The following NYNRIN variants were observed in gnomAD, a reference collection of about 807,000 sequenced individuals.
NYNRIN encodes NYN domain and retroviral integrase containing, also known as protein NYNRIN.
Under a neutral mutation model 146.6 loss-of-function variants are expected in NYNRIN, and 86 were observed. The ratio of observed to expected loss-of-function variants is 0.59; its 90% CI spans 0.49 to 0.70. The LOEUF (loss-of-function observed/expected upper bound fraction) is 0.70, where lower values mean the gene tolerates loss of function less well. Among genes scored for constraint, NYNRIN ranks in the 30% least tolerant of loss-of-function variants. NYNRIN has a pLI of 0.00. For missense variants in NYNRIN, 2,191 were observed against 2,377.7 expected (o/e 0.92, Z 1.63); for synonymous variants, 1,027 against 1,001.3 (o/e 1.03, Z -0.48).
Position 24,417,370 on chromosome 14 carries a change from G to C in NYNRIN, c.5621G>C (p.Cys1874Ser), listed in dbSNP as rs1198353487. The change falls in exon 9 of 9, where the codon TGC (cysteine) becomes TCC (serine). Residue 1874 changes from cysteine to serine, a missense_variant. Coordinates refer to ENST00000382554, the MANE Select transcript of NYNRIN (RefSeq NM_025081.3). ...TTCCCAACCCCAGAGAAGCTGGGGTGCATCTATCCCAGCAGTCTGATGAAG... is the reference window on the plus strand; with the variant it reads ...TTCCCAACCCCAGAGAAGCTGGGGTCCATCTATCCCAGCAGTCTGATGAAG... Reference protein sequence around the residue: ...WGFPTPEKLGCIYPSSLMKAF... With the variant: ...WGFPTPEKLGSIYPSSLMKAF... 6.3e-7 allele frequency: 1 copy of C among 1,591,008 alleles called. No individual in the cohort carries two copies. Among genetic ancestry groups the C allele is most frequent in the Non-Finnish European group, 8.6e-7 (1 of 1,167,258 alleles).
Position 24,416,362 on chromosome 14 carries a change from C to T in NYNRIN, c.4613C>T (p.Thr1538Met), listed in dbSNP as rs1386496520. 37 of 1,613,202 alleles carry T rather than the reference C, an allele frequency of 2.3e-5. No individual in the cohort carries two copies. Among genetic ancestry groups the T allele is most frequent in the East Asian group, 4.5e-5 (2 of 44,864 alleles). The change falls in exon 9 of 9, where the codon ACG (threonine) becomes ATG (methionine). Residue 1538 changes from threonine (T) to methionine (M), a missense_variant. Thr to Met is a moderately conservative substitution (Grantham distance 81, BLOSUM62 -1). Around this residue, in one of 3 missense-constraint regions of NYNRIN, gnomAD observed 1,291 missense variants for 1,417.0 expected, o/e 0.91. Coordinates refer to ENST00000382554, the MANE Select transcript of NYNRIN (RefSeq NM_025081.3). ...DKKPRVWVVP[T>M]QLRRDLIFSV... ...AAGCCCAGGGTCTGGGTAGTCCCGA[C>T]GCAACTCCGGAGGGATCTGATTTTC...
Position 24,416,632 on chromosome 14 carries a change from G to A in NYNRIN, c.4883G>A (p.Ser1628Asn). 1 of 1,613,972 alleles carries A rather than the reference G, an allele frequency of 6.2e-7. No individual in the cohort carries two copies. Among genetic ancestry groups the A allele is most frequent in the Non-Finnish European group, 8.5e-7 (1 of 1,179,882 alleles). The change falls in exon 9 of 9, where the codon AGT (serine) becomes AAT (asparagine). Residue 1628 changes from serine to asparagine, a missense_variant. By Grantham distance (46) the Ser-to-Asn change is conservative (BLOSUM62 1). Around this residue, in one of 3 missense-constraint regions of NYNRIN, gnomAD observed 1,291 missense variants for 1,417.0 expected, o/e 0.91. Coordinates refer to ENST00000382554, the MANE Select transcript of NYNRIN (RefSeq NM_025081.3). ...QIEVVGPVTI[S>N]EEGHKHVLIV... ...GAGGTGGTGGGCCCGGTCACCATAAGTGAGGAGGGCCATAAGCATGTACTT... is the reference window on the plus strand; with the variant it reads ...GAGGTGGTGGGCCCGGTCACCATAAATGAGGAGGGCCATAAGCATGTACTT...
chr14:24,409,101 G>T lies in NYNRIN; in HGVS notation c.1307G>T (p.Gly436Val), dbSNP rs2042894014. ...SAESPAGRPD[G>V]GLGGEAALQN... ...GAAAGCCCAGCTGGTAGACCAGATG[G>T]GGGGCTGGGAGGAGAAGCAGCCCTG... Residue 436 changes from glycine (G) to valine (V), a missense_variant, in exon 4 of 9, where the codon GGG (glycine) becomes GTG (valine). By Grantham distance (109) the Gly-to-Val change is moderately radical (BLOSUM62 -3). Coordinates refer to ENST00000382554, the MANE Select transcript of NYNRIN (RefSeq NM_025081.3). 2 of 1,613,638 alleles carry T rather than the reference G, an allele frequency of 1.2e-6. No homozygotes were observed. Among genetic ancestry groups the T allele is most frequent in the African/African-American group, 1.3e-5 (1 of 74,944 alleles).
chr14:24,408,157 T>C lies in NYNRIN; in HGVS notation c.487T>C (p.Phe163Leu), dbSNP rs1300836944. 1 of 1,603,470 alleles carries C rather than the reference T, an allele frequency of 6.2e-7. No homozygotes were observed. The highest frequency in any genetic ancestry group is 1.1e-5 in the South Asian group (1 of 90,704). The change falls in exon 3 of 9, where the codon TTT (phenylalanine) becomes CTT (leucine). Residue 163 changes from phenylalanine to leucine, a missense_variant. By Grantham distance (22) the Phe-to-Leu change is conservative. Coordinates refer to ENST00000382554, the MANE Select transcript of NYNRIN (RefSeq NM_025081.3). Reference sequence around the variant, plus strand: ...CTGGGAGGCTGAGGTGACCCGGGCCTTTGGGGCCCTGGTCTGGATCCGTGG... The same window carrying C: ...CTGGGAGGCTGAGGTGACCCGGGCCCTTGGGGCCCTGGTCTGGATCCGTGG... The part of the protein sequence containing the change: ...GIWEAEVTRA[F>L]GALVWIRGDQ...
chr14:24,406,826 G>A (rs573293094), intron 2 of NYNRIN, among the ~76,000 whole-genome samples: 9 of 152,344 alleles, frequency 5.9e-5, no homozygotes, highest in Non-Finnish European at 7.3e-5. Flanking sequence ...TCATGGGACC[G>A]CACAGATGGA....
chr14:24,413,392 G>A lies in NYNRIN; in HGVS notation c.2821G>A (p.Asp941Asn). The change falls in exon 8 of 9, where the codon GAT becomes AAT. Residue 941 changes from aspartate to asparagine, a missense_variant. This residue lies in a region of NYNRIN where 1,291 missense variants were observed against 1,417.0 expected (regional missense o/e 0.91). Transcript: ENST00000382554. ...CCTGGGCCGTGATGGCCCCACCTTG[G>A]ATGAGTTTCTGAAGAAGCCAAACAG... is the stretch of plus-strand genomic sequence containing the variant. ...DPLGRDGPTLDEFLKKPNRLD... is the reference protein window; with the variant it reads ...DPLGRDGPTLNEFLKKPNRLD... 2 of 1,612,846 alleles carry A rather than the reference G, an allele frequency of 1.2e-6. No individual in the cohort carries two copies. The highest frequency in any genetic ancestry group is 1.7e-6 in the Non-Finnish European group (2 of 1,179,378).
chr14:24,399,074 C>G lies in NYNRIN; in HGVS notation c.-30C>G. 1 of 573,580 alleles carries G rather than the reference C, an allele frequency of 1.7e-6. No individual in the cohort carries two copies. The highest frequency in any genetic ancestry group is 2.9e-6 in the Non-Finnish European group (1 of 341,168). The allele number at this position is 573,580 out of a possible 1,614,324, so 35.5% of individuals were successfully genotyped here. Reference sequence around the variant, plus strand: ...GACCAAGCTCCAGAGGGCGGGCGCCCGAGCCGTGCGGGGTGGGTCCCGCCG... The same window carrying G: ...GACCAAGCTCCAGAGGGCGGGCGCCGGAGCCGTGCGGGGTGGGTCCCGCCG... On this transcript the variant is annotated 5_prime_UTR_variant, in exon 1 of 9. Coordinates refer to ENST00000382554, the MANE Select transcript of NYNRIN (RefSeq NM_025081.3).
Position 24,415,429 on chromosome 14 carries a change from C to T in NYNRIN, c.3680C>T (p.Pro1227Leu), listed in dbSNP as rs755029945. ...KHFSRCIGDT[P>L]VVLDLSYASR... ...TTTTCCCGCTGCATTGGAGACACCC[C>T]GGTGGTCCTGGACCTTTCCTATGCC... Residue 1227 changes from proline (P) to leucine (L), a missense_variant, in exon 9 of 9, where the codon CCG becomes CTG. Physicochemically the swap from Pro to Leu is moderately conservative, Grantham distance 98. Coordinates refer to ENST00000382554, the MANE Select transcript of NYNRIN (RefSeq NM_025081.3). The T allele has an allele frequency of 1.1e-5, 17 of 1,613,864 alleles. No homozygotes were observed. Among genetic ancestry groups the T allele is most frequent in the East Asian group, 2.2e-5 (1 of 44,900 alleles).
chr14:24,406,570 T>C (rs985557306), intron 2 of NYNRIN, among the ~76,000 whole-genome samples: 2 of 152,156 alleles, frequency 1.3e-5, no homozygotes, highest in African/African-American at 4.8e-5. Flanking sequence ...AGGAAGAAGT[T>C]GCAGGTCTGT....
At position 24,413,369 on chromosome 14, in the gene NYNRIN, T is replaced by TG; in HGVS notation, c.2801dup (p.Arg935ProfsTer2). 6.2e-7 allele frequency: 1 copy of TG among 1,613,512 alleles called. No individual in the cohort carries two copies. The highest frequency in any genetic ancestry group is 8.5e-7 in the Non-Finnish European group (1 of 1,179,734). ...CTCTTCATGGTGCCTGATGACCCCC[T>TG]GGGCCGTGATGGCCCCACCTTGGAT... On this transcript the variant is annotated frameshift_variant, in exon 8 of 9. Transcript: ENST00000382554. LOFTEE classifies it high-confidence loss of function.
chr14:24,415,071 A>C lies in NYNRIN; in HGVS notation c.3322A>C (p.Ile1108Leu), dbSNP rs912019927. 9 of 1,612,288 alleles carry C rather than the reference A, an allele frequency of 5.6e-6. No homozygotes were observed. Among genetic ancestry groups the C allele is most frequent in the Admixed American group, 1.7e-5 (1 of 59,978 alleles). The change falls in exon 9 of 9, where the codon ATC becomes CTC. Residue 1108 changes from isoleucine (I) to leucine (L), a missense_variant. Around this residue, in one of 3 missense-constraint regions of NYNRIN, gnomAD observed 1,291 missense variants for 1,417.0 expected, o/e 0.91. Transcript: ENST00000382554. ...MGFMDSHRDA[I>L]PDYEALVGPL... ...CTTCATGGACTCCCACAGGGATGCCATCCCTGACTATGAAGCCCTAGTGGG... is the reference window on the plus strand; with the variant it reads ...CTTCATGGACTCCCACAGGGATGCCCTCCCTGACTATGAAGCCCTAGTGGG...
At chr14:24,408,576 C>A (rs764661927) in intron 3 of NYNRIN, 49 bp downstream of exon 3, 1 of 1,537,796 alleles carries the variant, frequency 6.5e-7, no homozygotes, top group Non-Finnish European at 8.7e-7. Flanking sequence ...CCCCTGCTCC[C>A]CTACCCTAAG....
rs140604224 is a variant in NYNRIN at position 24,417,797 on chromosome 14, C to T, written c.*351C>T. 5 of 237,344 alleles carry T rather than the reference C, an allele frequency of 2.1e-5. No individual in the cohort carries two copies. The highest frequency in any genetic ancestry group is 1.0e-4 in the East Asian group (1 of 9,960). 14.7% of individuals were successfully genotyped at this position (237,344 alleles called of 1,614,324 possible). On this transcript the variant is annotated 3_prime_UTR_variant, in exon 9 of 9. Transcript: ENST00000382554. ...AGGTGTGTGGTGGTGTGCACACACACTCACGAAAGAATCTATCTTGGCCAT... is the reference window on the plus strand; with the variant it reads ...AGGTGTGTGGTGGTGTGCACACACATTCACGAAAGAATCTATCTTGGCCAT...
rs766132981 is a variant in NYNRIN, at chr14:24,415,611, G to A, written c.3862G>A (p.Ala1288Thr). 2.3e-5 allele frequency: 37 copies of A among 1,613,804 alleles called. No homozygotes were observed. The highest frequency in any genetic ancestry group is 3.0e-5 in the Non-Finnish European group (35 of 1,179,886). Residue 1288 changes from alanine to threonine, a missense_variant, in exon 9 of 9, where the codon GCG (alanine) becomes ACG (threonine). By Grantham distance (58) the Ala-to-Thr change is moderately conservative. This residue lies in a region of NYNRIN where 1,291 missense variants were observed against 1,417.0 expected (regional missense o/e 0.91). Transcript: ENST00000382554. ...GGGGGAGAACCGCCTGCTCACCCCC[G>A]CGGCCTCCATGCCTCGCTTCTTCCA... is the stretch of plus-strand genomic sequence containing the variant. ...LLGENRLLTPAASMPRFFQVL... is the reference protein window; with the variant it reads ...LLGENRLLTPTASMPRFFQVL...
chr14:24,404,234 T>G (rs2042863065), intron 2 of NYNRIN, among the ~76,000 whole-genome samples: 3 of 152,218 alleles, frequency 2.0e-5, no homozygotes, highest in African/African-American at 7.2e-5. Flanking sequence ...AACTTTAACT[T>G]TTTGTTCTGC....
chr14:24,405,068 ATGTGTG>A (rs1337556198), intron 2 of NYNRIN, among the ~76,000 whole-genome samples: 10 of 123,738 alleles, frequency 8.1e-5, no homozygotes, highest in South Asian at 2.4e-4. Flanking sequence ...ATGTGTGTGA[ATGTGTG>A]TGTGTGTGTG....
chr14:24,411,503 G>C lies in NYNRIN; in HGVS notation c.2642+53G>C. ...TGGGCTCAGGGAGTTGGGCCTGGCT[G>C]GTGTGTCAGGTGGAGTCCGGCCTGT... On this transcript the variant is annotated intron_variant, in intron 6 of 8. Coordinates refer to ENST00000382554, the MANE Select transcript of NYNRIN (RefSeq NM_025081.3). This position sits in a 1 kb window ranked among gnomAD's most constrained non-coding sequence, Gnocchi z 4.3. 1 of 1,468,300 alleles carries C rather than the reference G, an allele frequency of 6.8e-7. No individual in the cohort carries two copies. Among genetic ancestry groups the C allele is most frequent in the Non-Finnish European group, 9.5e-7 (1 of 1,048,980 alleles). The allele number at this position is 1,468,300 out of a possible 1,614,324, so 91.0% of individuals were successfully genotyped here. A position where few individuals can be genotyped will look rare whatever the true frequency, so the allele number is the denominator to read the frequency against.
Position 24,409,728 on chromosome 14 carries a change from C to T in NYNRIN, c.1934C>T (p.Ala645Val). The T allele has an allele frequency of 6.2e-7, 1 of 1,608,216 alleles. No homozygotes were observed. The highest frequency in any genetic ancestry group is 8.5e-7 in the Non-Finnish European group (1 of 1,177,232). Reference protein sequence around the residue: ...TSPAGPKTPKAQAGPAATVSK... With the variant: ...TSPAGPKTPKVQAGPAATVSK... ...CCTGCAGGTCCCAAAACACCCAAAG[C>T]TCAAGCCGGGCCTGCAGCTACAGTT... Residue 645 changes from alanine (A) to valine (V), a missense_variant, in exon 4 of 9, where the codon GCT (alanine) becomes GTT (valine). Physicochemically the swap from Ala to Val is moderately conservative, Grantham distance 64 (BLOSUM62 0). Around this residue, in one of 3 missense-constraint regions of NYNRIN, gnomAD observed 895 missense variants for 941.2 expected, o/e 0.95. Coordinates refer to ENST00000382554, the MANE Select transcript of NYNRIN (RefSeq NM_025081.3).
chr14:24,417,008 T>G lies in NYNRIN; in HGVS notation c.5259T>G (p.Thr1753=). Residue 1753 remains threonine (T), a synonymous_variant, in exon 9 of 9, where the codon ACT becomes ACG. Transcript: ENST00000382554. ...LLHLAFRASS[T]DATPFKVLTG... is the part of the protein sequence containing the mutation. ...ACCTGGCCTTCAGGGCCTCCTCCAC[T>G]GATGCCACACCGTTCAAGGTCCTGA... 11 of 1,595,960 alleles carry G rather than the reference T, an allele frequency of 6.9e-6. No individual in the cohort carries two copies. Among genetic ancestry groups the G allele is most frequent in the Non-Finnish European group, 8.5e-6 (10 of 1,169,700 alleles).
Sources: gnomAD v4.1 joint callset for allele counts (sites outside exome capture counted in the v4.1 genomes callset) on GRCh38, gnomAD v4.1.1 for gene constraint, gnomAD v4.1.1 regional missense constraint, Gnocchi (gnomAD v3.1) non-coding constraint, MANE v1.5 for transcripts, NCBI Gene and HGNC (gene_info 2026-07-23, HGNC 2026-07-21) for gene names.